The following EIPR1 variants were observed in gnomAD, a reference collection of about 807,000 sequenced individuals.
The protein encoded by EIPR1 is EARP complex and GARP complex interacting protein 1.
In EIPR1, 25 loss-of-function variants were observed where a neutral mutation model predicts 48.1. The ratio of observed to expected loss-of-function variants is 0.52; its 90% confidence interval spans 0.38 to 0.73. The LOEUF is 0.73. Among genes scored for constraint, EIPR1 ranks in the 30% least tolerant of loss-of-function variants. The pLI, the probability that EIPR1 is intolerant of heterozygous loss-of-function variation, is 0.00. For synonymous variants in EIPR1, 204 were observed against 201.9 expected, an observed-to-expected ratio of 1.01 and a Z score of -0.09; for missense variants, 415 against 506.2, an observed-to-expected ratio of 0.82 and a Z score of 1.73.
At chr2:3,231,391 G>T (rs1053986325) in intron 4 of EIPR1, among the ~76,000 whole-genome samples, 10 of 152,158 alleles carry the variant, frequency 6.6e-5, no homozygotes, top group African/African-American at 2.4e-4. Context: ...GGATAAAAGT[G>T]GCAAGAGTGG....
chr2:3,239,752 C>G (rs1376394612), intron 4 of EIPR1, among the ~76,000 whole-genome samples: 2 of 152,208 alleles, frequency 1.3e-5, no homozygotes, highest in Admixed American at 1.3e-4. Context: ...TGCAGACACT[C>G]AGGGCATCCC....
chr2:3,225,397 C>T (rs972508039), intron 4 of EIPR1, among the ~76,000 whole-genome samples: 10 of 152,080 alleles, frequency 6.6e-5, no homozygotes, highest in African/African-American at 2.4e-4. Context: ...AGGCACATGC[C>T]ACCCTACTTG....
chr2:3,304,214 G>C (rs114948093), intron 3 of EIPR1, among the ~76,000 whole-genome samples: 2,000 of 152,328 alleles, frequency 0.013, 41 homozygotes, highest in African/African-American at 0.046. Context: ...CCAGGGAACA[G>C]CGTGCTGTGC....
At chr2:3,316,105 ATCC>A (rs201141035) in intron 3 of EIPR1, among the ~76,000 whole-genome samples, 1 of 55,314 alleles carries the variant, frequency 1.8e-5, no homozygotes, top group East Asian at 5.7e-4. Flanking sequence ...CCCCACCACC[ATCC>A]TCACCACCAT....
chr2:3,311,356 G>A (rs1669122427), intron 3 of EIPR1, among the ~76,000 whole-genome samples: 1 of 151,916 alleles, frequency 6.6e-6, no homozygotes, highest in African/African-American at 2.4e-5. Flanking sequence ...TTCCAGAAAT[G>A]ATTTCTTTTC....
intron 3 of EIPR1, among the ~76,000 whole-genome samples, chr2:3,258,799 G>A (rs1360689917): frequency 6.6e-6 from 1 of 151,948 alleles, no homozygotes; most frequent in Non-Finnish European, 1.5e-5. Flanking sequence ...ACCATATTGG[G>A]TCTAAAAGAA....
intron 4 of EIPR1, among the ~76,000 whole-genome samples, chr2:3,216,100 A>G (rs1160257237): frequency 6.6e-6 from 1 of 152,216 alleles, no homozygotes; most frequent in African/African-American, 2.4e-5. Context: ...TCCGTAGCCC[A>G]GTTACTGCAG....
intron 3 of EIPR1, among the ~76,000 whole-genome samples, chr2:3,311,719 C>CGAGGTGTG (rs1669134753): frequency 6.7e-6 from 1 of 149,230 alleles, no homozygotes; most frequent in African/African-American, 2.5e-5. Flanking sequence ...CCTCCAGTCA[C>CGAGGTGTG]GAGGTGTGGG....
In EIPR1 at chr2:3,299,620, T is replaced by TCACACACACACACA. The variant is rs1327026136; in HGVS notation, c.259+38396_259+38397insTGTGTGTGTGTGTG. ...AAAATATTTTCTCTCTCTCTCTCTC[T>TCACACACACACACA]CTCTCACACACACACACACACACAC... is the stretch of plus-strand genomic sequence containing the variant. On this transcript the variant is annotated intron_variant, in intron 3 of 8. Coordinates refer to ENST00000382125, the MANE Select transcript of EIPR1 (RefSeq NM_003310.5). Among the ~76,000 whole-genome samples the TCACACACACACACA allele has an allele frequency of 5.7e-4, 69 of 121,428 alleles. 1 individual carries two copies. Among genetic ancestry groups the TCACACACACACACA allele is most frequent in the African/African-American group, 2.0e-3 (66 of 33,402 alleles). The allele number at this position is 121,428 out of a possible 152,430, so 79.7% of individuals were successfully genotyped here.
chr2:3,224,177 G>A (rs1047198319), intron 4 of EIPR1, among the ~76,000 whole-genome samples: 1 of 152,102 alleles, frequency 6.6e-6, no homozygotes, highest in African/African-American at 2.4e-5. Context: ...GTCTCTGCCT[G>A]GTCCCATCTC....
chr2:3,323,166 A>G (rs935878722), intron 3 of EIPR1, among the ~76,000 whole-genome samples: 1 of 152,114 alleles, frequency 6.6e-6, no homozygotes, highest in African/African-American at 2.4e-5. Flanking sequence ...GATAAAAATT[A>G]TAAAATTTCA....
chr2:3,332,406 C>A (rs556894212), intron 3 of EIPR1, among the ~76,000 whole-genome samples: 1 of 152,198 alleles, frequency 6.6e-6, no homozygotes, highest in Non-Finnish European at 1.5e-5. Flanking sequence ...TAATTCCCTG[C>A]GTGACCAGGC....
intron 3 of EIPR1, among the ~76,000 whole-genome samples, chr2:3,325,736 C>T (rs181988765): frequency 1.8e-4 from 27 of 152,324 alleles, no homozygotes; most frequent in Admixed American, 7.2e-4. Context: ...GAGAGATTAC[C>T]GCACAGTTTG....
At chr2:3,234,277 A>G (rs1666330249) in intron 4 of EIPR1, among the ~76,000 whole-genome samples, 1 of 152,216 alleles carries the variant, frequency 6.6e-6, no homozygotes, top group Non-Finnish European at 1.5e-5. Context: ...TACCTAATAC[A>G]TCGCATGCTT....
intron 4 of EIPR1, among the ~76,000 whole-genome samples, chr2:3,222,675 G>A (rs1030531924): frequency 1.3e-5 from 2 of 152,194 alleles, no homozygotes; most frequent in African/African-American, 4.8e-5. Context: ...TTGAGCCTCG[G>A]TACCAACTGA....
At chr2:3,270,145 A>G (rs1667660799) in intron 3 of EIPR1, among the ~76,000 whole-genome samples, 1 of 152,256 alleles carries the variant, frequency 6.6e-6, no homozygotes, top group Admixed American at 6.5e-5. Context: ...CATTTTGCCC[A>G]TATAACCAGG....
At position 3,377,648 on chromosome 2, in the gene EIPR1, C is replaced by A; in HGVS notation, c.42G>T (p.Gln14His). ...DAPVIYGLEF[Q>H]ARALTPQTAE... The stretch of plus-strand genomic sequence containing the variant: ...ACCTGCCGCCCTCCCAGTGACCCAC[C>A]TGGAACTCCAGCCCGTAGATCACTG... The change falls in exon 1 of 9, where the codon CAG becomes CAT. Residue 14 changes from glutamine to histidine, a missense_variant and splice_region_variant. Physicochemically the swap from Gln to His is conservative, Grantham distance 24. Coordinates refer to ENST00000382125, the MANE Select transcript of EIPR1 (RefSeq NM_003310.5). The A allele has an allele frequency of 6.3e-7, 1 of 1,575,156 alleles. No homozygotes were observed.
At chr2:3,288,691 GC>G (rs968939390) in intron 3 of EIPR1, among the ~76,000 whole-genome samples, 1 of 152,210 alleles carries the variant, frequency 6.6e-6, no homozygotes, top group African/African-American at 2.4e-5. Flanking sequence ...CCCGAGACAA[GC>G]CCAACCTTCC....
intron 4 of EIPR1, among the ~76,000 whole-genome samples, chr2:3,254,209 A>G (rs1048526607): frequency 1.3e-5 from 2 of 152,150 alleles, no homozygotes; most frequent in African/African-American, 2.4e-5. Flanking sequence ...CTTTCACACC[A>G]TGGAAGACAC....
Sources: gnomAD v4.1 joint callset for allele counts (sites outside exome capture counted in the v4.1 genomes callset) on GRCh38, gnomAD v4.1.1 for gene constraint, MANE v1.5 for transcripts, NCBI Gene and HGNC (gene_info 2026-07-23, HGNC 2026-07-21) for gene names.